Variants in PDE1A observed in about 807,000 individuals in gnomAD.
The protein encoded by PDE1A is phosphodiesterase 1A.
Under a neutral mutation model 61.7 loss-of-function variants are expected in PDE1A, and 35 were observed. The ratio of observed to expected loss-of-function variants is 0.57; its 90% confidence interval spans 0.43 to 0.75. The LOEUF is 0.75. Ranked by LOEUF, PDE1A falls within the 30% of genes least tolerant of loss-of-function variation. PDE1A has a pLI of 0.00. For missense variants in PDE1A, 597 were observed against 630.6 expected, an observed-to-expected ratio of 0.95 and a Z score of 0.57; for synonymous variants, 232 against 213.2, an observed-to-expected ratio of 1.09 and a Z score of -0.77.
the PDE1A span, among the ~76,000 whole-genome samples, chr2:182,610,813 C>A: frequency 6.6e-6 from 1 of 151,580 alleles, no homozygotes; most frequent in Admixed American, 6.6e-5. Context: ...AATTAAGTAT[C>A]CTAAAAACAA....
At chr2:182,468,409 A>T (rs1389169075) in intron 2 of PDE1A, among the ~76,000 whole-genome samples, 1 of 152,026 alleles carries the variant, frequency 6.6e-6, no homozygotes, top group Non-Finnish European at 1.5e-5. Context: ...ATCCATAAAA[A>T]GCAACTCCAC....
intron 1 of PDE1A, among the ~76,000 whole-genome samples, chr2:182,310,278 A>C (rs892596539): frequency 6.6e-6 from 1 of 152,172 alleles, no homozygotes; most frequent in Non-Finnish European, 1.5e-5. Flanking sequence ...CCTTTCCTTT[A>C]TAGTTAATAA....
the PDE1A span, among the ~76,000 whole-genome samples, chr2:182,658,069 AAAAC>A: frequency 2.5e-4 from 28 of 111,090 alleles, 1 homozygote; most frequent in African/African-American, 9.0e-4. Flanking sequence ...AAAAAAAAAA[AAAAC>A]AAAAAAACTT....
At chr2:182,663,827 T>TAA in the PDE1A span, among the ~76,000 whole-genome samples, 3 of 147,270 alleles carry the variant, frequency 2.0e-5, no homozygotes, top group Non-Finnish European at 4.5e-5. Flanking sequence ...ACTTAAAAGT[T>TAA]AAAAAAAAAA....
chr2:182,593,380 T>G, the PDE1A span, among the ~76,000 whole-genome samples: 11 of 152,172 alleles, frequency 7.2e-5, no homozygotes, highest in Non-Finnish European at 1.0e-4. Context: ...TCAAGAATAC[T>G]AACAGAAGAG....
At chr2:182,685,660 C>A in the PDE1A span, among the ~76,000 whole-genome samples, 68 of 152,336 alleles carry the variant, frequency 4.5e-4, no homozygotes, top group African/African-American at 1.5e-3. Flanking sequence ...CCTCTCCTGT[C>A]TGCACTCTGT....
chr2:182,331,160 A>T (rs1295285508), intron 1 of PDE1A, among the ~76,000 whole-genome samples: 1 of 152,214 alleles, frequency 6.6e-6, no homozygotes, highest in Admixed American at 6.5e-5. Context: ...AGCTGAGATC[A>T]CACAGTTAGG....
At chr2:182,264,336 T>C in exon 2 of PDE1A, 3 of 1,613,298 alleles carry the variant, frequency 1.9e-6, no homozygotes, top group Admixed American at 1.7e-5. Flanking sequence ...CCAGCACAGA[T>C]GCCGCATATT....
At position 182,348,080 on chromosome 2, in the gene PDE1A, T is replaced by G. The variant is rs189947019; in HGVS notation, c.53+78498A>C. ...CTTAAACTCACCCATACTATGCTGA[T>G]GTAAAACCAGCCAGCATTTTTGTCA... is the stretch of plus-strand genomic sequence containing the variant. On this transcript the variant is annotated intron_variant, in intron 1 of 13. Coordinates refer to ENST00000351439, the Ensembl canonical transcript of PDE1A. Among the ~76,000 whole-genome samples the G allele has an allele frequency of 3.2e-3, 487 of 152,312 alleles. 2 individuals carry two copies. Among genetic ancestry groups the G allele is most frequent in the Admixed American group, 6.9e-3 (106 of 15,296 alleles).
At chr2:182,533,284 C>CT in the PDE1A span, among the ~76,000 whole-genome samples, 1 of 152,196 alleles carries the variant, frequency 6.6e-6, no homozygotes, top group African/African-American at 2.4e-5. Context: ...GCACTCCAGC[C>CT]TGGGTGACAG....
At chr2:182,714,219 C>T in the PDE1A span, among the ~76,000 whole-genome samples, 1 of 152,224 alleles carries the variant, frequency 6.6e-6, no homozygotes, top group Admixed American at 6.5e-5. Flanking sequence ...AATCCACCTT[C>T]ATGAAGCTTA....
chr2:182,340,123 T>C (rs1698093039), intron 1 of PDE1A, among the ~76,000 whole-genome samples: 1 of 152,196 alleles, frequency 6.6e-6, no homozygotes, highest in African/African-American at 2.4e-5. Flanking sequence ...AAATGAAGTA[T>C]ATGCAGTTTG....
At chr2:182,650,857 C>A in the PDE1A span, among the ~76,000 whole-genome samples, 2 of 152,152 alleles carry the variant, frequency 1.3e-5, no homozygotes, top group Admixed American at 6.5e-5. Flanking sequence ...CAAGATCTTG[C>A]GTAAGAATTC....
chr2:182,556,152 G>A, the PDE1A span, among the ~76,000 whole-genome samples: 1 of 151,972 alleles, frequency 6.6e-6, no homozygotes, highest in East Asian at 1.9e-4. Flanking sequence ...TCTGACAAAA[G>A]AAAATCAGAA....
At chr2:182,561,784 T>G in the PDE1A span, among the ~76,000 whole-genome samples, 1 of 152,110 alleles carries the variant, frequency 6.6e-6, no homozygotes, top group East Asian at 1.9e-4. Context: ...CCCTTGTAAG[T>G]TGGTTTCCTA....
the PDE1A span, among the ~76,000 whole-genome samples, chr2:182,668,361 T>C: frequency 6.6e-6 from 1 of 151,854 alleles, no homozygotes; most frequent in Admixed American, 6.6e-5. Context: ...CACTTACAGA[T>C]GAGTGTTATA....
At chr2:182,567,819 G>T in the PDE1A span, among the ~76,000 whole-genome samples, 1 of 140,464 alleles carries the variant, frequency 7.1e-6, no homozygotes. Flanking sequence ...TTGAGATGGA[G>T]TCTTGCACTG....
intron 1 of PDE1A, among the ~76,000 whole-genome samples, chr2:182,279,184 T>G (rs1693638207): frequency 6.6e-6 from 1 of 151,986 alleles, no homozygotes; most frequent in Non-Finnish European, 1.5e-5. Context: ...GCAATGAATA[T>G]TCACTGTCAA....
chr2:182,486,240 T>C (rs1688015706), intron 2 of PDE1A, among the ~76,000 whole-genome samples: 1 of 151,830 alleles, frequency 6.6e-6, no homozygotes, highest in Non-Finnish European at 1.5e-5. Context: ...TAGCAATGGG[T>C]TAATAAAAGA....
Sources: allele counts gnomAD v4.1 joint callset (sites outside exome capture counted in the v4.1 genomes callset), GRCh38; gene constraint gnomAD v4.1.1; transcripts MANE v1.5; gene names NCBI Gene and HGNC (gene_info 2026-07-23, HGNC 2026-07-21).